Variants in DYNC2I1 observed in about 807,000 individuals in gnomAD.
The protein encoded by DYNC2I1 is dynein 2 intermediate chain 1.
A neutral mutation model predicts 133.4 loss-of-function variants in DYNC2I1; 89 were observed. The observed-to-expected ratio is 0.67, with a 90% CI of 0.56 to 0.80. The LOEUF (loss-of-function observed/expected upper bound fraction) is 0.80, where lower values mean the gene tolerates loss of function less well. DYNC2I1 is among the 30% of genes least tolerant of loss of function. DYNC2I1 has a pLI of 0.00. For missense variants in DYNC2I1, 1,291 were observed against 1,314.5 expected, an observed-to-expected ratio of 0.98 and a Z score of 0.28; for synonymous variants, 504 against 484.3, an observed-to-expected ratio of 1.04 and a Z score of -0.54.
At chr7:158,957,830 G>C (rs1479961446), downstream of DYNC2I1, among the ~76,000 whole-genome samples, 1 of 152,182 alleles carries the variant, frequency 6.6e-6, no homozygotes, top group African/African-American at 2.4e-5. Context: ...CACAAGGGCT[G>C]TTTAGCTACG....
rs552709569 is a variant in DYNC2I1, at chr7:158,942,274, A to G, written c.3002+126A>G. 61 of 687,470 alleles carry G rather than the reference A, an allele frequency of 8.9e-5. No homozygotes were observed. In the African/African-American group the frequency reaches 1.1e-3, roughly 12 times the overall value. 42.6% of individuals were successfully genotyped at this position (687,470 alleles called of 1,614,324 possible). On this transcript the variant is annotated intron_variant, in intron 24 of 24. Transcript: ENST00000407559. ...CATTTTAAGATGTGGCCATATGTAA[A>G]TTTAAATAATATGTTCAGTTAAAAA...
chr7:158,923,353 G>A (rs1184836829), intron 16 of DYNC2I1, among the ~76,000 whole-genome samples: 1 of 152,134 alleles, frequency 6.6e-6, no homozygotes, highest in Non-Finnish European at 1.5e-5. Flanking sequence ...ATCATAACAA[G>A]CCTACGGGGT....
At chr7:158,956,499 G>A (rs1852203409) in intron 4 of DYNC2I1, 2 of 152,448 alleles carry the variant, frequency 1.3e-5, no homozygotes, top group South Asian at 4.1e-4. Context: ...ACCGTAGGAG[G>A]AGGGGACCTG....
chr7:158,913,075 G>C lies in DYNC2I1; in HGVS notation c.1681G>C (p.Glu561Gln), dbSNP rs1456875406. Residue 561 changes from glutamate to glutamine, a missense_variant, in exon 13 of 25, where the codon GAA (glutamate) becomes CAA (glutamine). Glu to Gln is a conservative substitution (Grantham distance 29, BLOSUM62 2). Transcript: ENST00000407559. Reference sequence around the variant, plus strand: ...GGAAGTGTGGACCCAGCACCCGGGAGAAAGTACTGTTGTATCTGGAGGTAA... The same window carrying C: ...GGAAGTGTGGACCCAGCACCCGGGACAAAGTACTGTTGTATCTGGAGGTAA... ...TREVWTQHPG[E>Q]STVVSGGSEQ... 1.9e-6 allele frequency: 3 copies of C among 1,613,314 alleles called. No homozygotes were observed. The South Asian group carries it at 3.3e-5, about 18-fold the overall frequency.
chr7:158,954,662 T>TC (rs1394520370), intron 4 of DYNC2I1, among the ~76,000 whole-genome samples: 2 of 152,182 alleles, frequency 1.3e-5, no homozygotes, highest in Non-Finnish European at 2.9e-5. Context: ...AAAATTACAC[T>TC]TATTTCCTAC....
At chr7:158,845,063 CTCTT>C in the DYNC2I1 span, among the ~76,000 whole-genome samples, 1 of 152,158 alleles carries the variant, frequency 6.6e-6, no homozygotes, top group Non-Finnish European at 1.5e-5. Context: ...GAATAATTCT[CTCTT>C]TCTCTATTTT....
intron 19 of DYNC2I1, 58 bp downstream of exon 19, chr7:158,926,521 G>T (rs1849641507): frequency 2.5e-6 from 4 of 1,577,544 alleles, no homozygotes; most frequent in Non-Finnish European, 3.5e-6. Context: ...TCTGGGTGGA[G>T]GTGGCGCCTG....
At chr7:158,864,089 G>A (rs528159450) in intron 1 of DYNC2I1, among the ~76,000 whole-genome samples, 5 of 148,508 alleles carry the variant, frequency 3.4e-5, no homozygotes, top group South Asian at 4.4e-4. Context: ...TGTGTGGTGT[G>A]GGGGGAGAGG....
In DYNC2I1 at chr7:158,906,788, A is replaced by C. The variant is rs559541543; in HGVS notation, c.1460+697A>C. Among the ~76,000 whole-genome samples the C allele has an allele frequency of 1.9e-4, 29 of 152,360 alleles. 1 individual carries two copies. The highest frequency in any genetic ancestry group is 3.4e-3 in the Middle Eastern group (1 of 294). ...ATAAAGATTTTTAAAAGTGGATTTA[A>C]AATCTCTTATCACCTAGCTCAGTAT... is the stretch of plus-strand genomic sequence containing the variant. On this transcript the variant is annotated intron_variant, in intron 11 of 24. Coordinates refer to ENST00000407559, the MANE Select transcript of DYNC2I1 (RefSeq NM_018051.5).
At position 158,856,770 on chromosome 7, in the gene DYNC2I1, TGGGCGA is replaced by T; in HGVS notation, c.15+24_15+29del. 2 of 1,234,364 alleles carry T rather than the reference TGGGCGA, an allele frequency of 1.6e-6. No individual in the cohort carries two copies. The highest frequency in any genetic ancestry group is 2.0e-6 in the Non-Finnish European group (2 of 986,740). The allele number at this position is 1,234,364 out of a possible 1,614,324, so 76.5% of individuals were successfully genotyped here. The stretch of plus-strand genomic sequence containing the variant: ...GGGAAGGTCGGTGCGGCGCTGGGTC[TGGGCGA>T]GGGGTGGTCGAGCTTCGCGGACTCC... On this transcript the variant is annotated intron_variant, in intron 1 of 24. Coordinates refer to ENST00000407559, the MANE Select transcript of DYNC2I1 (RefSeq NM_018051.5).
chr7:158,863,443 G>T (rs967890085), intron 1 of DYNC2I1, among the ~76,000 whole-genome samples: 55 of 152,004 alleles, frequency 3.6e-4, no homozygotes, highest in African/African-American at 1.2e-3. Context: ...CTGAACTCTA[G>T]CCTGGGTGAC....
chr7:158,886,950 T>C (rs1270555366), intron 6 of DYNC2I1, 71 bp from the exon 7 acceptor site: 17 of 1,406,076 alleles, frequency 1.2e-5, no homozygotes, highest in African/African-American at 4.5e-5. Context: ...TTCACTGATA[T>C]GGAAAATGTT....
At position 158,915,987 on chromosome 7, in the gene DYNC2I1, G is replaced by A. The variant is rs1033430946; in HGVS notation, c.1791+1666G>A. ...TTGACATTAAGGATGATTGTGAAAC[G>A]TCGACACGCTGGTTGACATTAAGGA... is the stretch of plus-strand genomic sequence containing the variant. On this transcript the variant is annotated intron_variant, in intron 14 of 24. Coordinates refer to ENST00000407559, the MANE Select transcript of DYNC2I1 (RefSeq NM_018051.5). Among the ~76,000 whole-genome samples the A allele has an allele frequency of 8.5e-5, 7 of 82,650 alleles. No individual in the cohort carries two copies. In the East Asian group the frequency reaches 1.2e-3, roughly 14 times the overall value. The allele number at this position is 82,650 out of a possible 152,430, so 54.2% of individuals were successfully genotyped here.
chr7:158,875,429 G>T (rs139632451), intron 3 of DYNC2I1, among the ~76,000 whole-genome samples: 228 of 152,278 alleles, frequency 1.5e-3, no homozygotes, highest in Non-Finnish European at 2.2e-3. Context: ...CTTTGCCTCA[G>T]TGATCTTTGA....
chr7:158,928,631 G>T (rs2129487275), intron 20 of DYNC2I1, among the ~76,000 whole-genome samples: 1 of 152,208 alleles, frequency 6.6e-6, no homozygotes, highest in South Asian at 2.1e-4. Flanking sequence ...TCTGCTCATG[G>T]AGCCGTTCTG....
At chr7:158,933,676 T>C (rs1850453138) in intron 21 of DYNC2I1, among the ~76,000 whole-genome samples, 1 of 152,206 alleles carries the variant, frequency 6.6e-6, no homozygotes, top group Non-Finnish European at 1.5e-5. Flanking sequence ...CAAAACCCCC[T>C]GGTGGGTAAA....
At chr7:158,897,584 AT>A (rs370141585) in intron 8 of DYNC2I1, among the ~76,000 whole-genome samples, 130 of 152,270 alleles carry the variant, frequency 8.5e-4, no homozygotes, top group African/African-American at 3.1e-3. Flanking sequence ...ATCTGCAGTG[AT>A]GTCCTCTTTT....
Position 158,902,358 on chromosome 7 carries a change from G to T in DYNC2I1, c.1138-18G>T, listed in dbSNP as rs774748493. On this transcript the variant is annotated intron_variant, in intron 9 of 24. Coordinates refer to ENST00000407559, the MANE Select transcript of DYNC2I1 (RefSeq NM_018051.5). ...CAGTTTGTCTTAAAGGGTTCCAAAA[G>T]ATTATTATTGTTTGCAGGACTATGA... The T allele has an allele frequency of 9.4e-6, 15 of 1,603,772 alleles. No homozygotes were observed. In the South Asian group the frequency reaches 1.7e-4, roughly 18 times the overall value.
intron 8 of DYNC2I1, among the ~76,000 whole-genome samples, chr7:158,892,292 C>G (rs2129482489): frequency 6.6e-6 from 1 of 152,264 alleles, no homozygotes; most frequent in Non-Finnish European, 1.5e-5. Flanking sequence ...TTCTTCTTGT[C>G]AGTCAGCAGG....
Sources: allele counts gnomAD v4.1 joint callset (sites outside exome capture counted in the v4.1 genomes callset), GRCh38; gene constraint gnomAD v4.1.1; transcripts MANE v1.5; gene names NCBI Gene and HGNC (gene_info 2026-07-23, HGNC 2026-07-21).